The following TLE3 variants were observed in gnomAD, a reference collection of about 807,000 sequenced individuals.
TLE3 encodes the protein transducin-like enhancer protein 3.
A neutral mutation model predicts 93.0 loss-of-function variants in TLE3; 14 were observed. The ratio of observed to expected loss-of-function variants is 0.15; its 90% CI spans 0.10 to 0.24. The LOEUF is 0.24. TLE3 is among the 10% of genes least tolerant of loss of function. The pLI is 1.00. For synonymous variants in TLE3, 451 were observed against 425.0 expected (o/e 1.06, Z -0.75); for missense variants, 693 against 1,046.6 (o/e 0.66, Z 4.66).
chr15:70,086,601 A>G (rs1169870602), intron 4 of TLE3, among the ~76,000 whole-genome samples: 5 of 152,224 alleles, frequency 3.3e-5, no homozygotes, highest in Non-Finnish European at 7.3e-5. Flanking sequence ...GGAAAGGGTC[A>G]GCCTTCCAGC....
At position 70,057,525 on chromosome 15, in the gene TLE3, C is replaced by T; in HGVS notation, c.1185G>A (p.Gln395=). ...CTGCAGCAGCGGCGGCGGCGCTCAT[C>T]TGGGGTGGGATGTTGTGGAGGCCGG... ...AYAGLHNIPP[Q]MSAAAAAAAA... Residue 395 remains glutamine, a synonymous_variant, in exon 13 of 20, where the codon CAG becomes CAA. Transcript: ENST00000451782. 1.9e-6 allele frequency: 3 copies of T among 1,607,590 alleles called. No individual in the cohort carries two copies. The highest frequency in any genetic ancestry group is 1.7e-6 in the Non-Finnish European group (2 of 1,177,304).
At chr15:70,077,456 G>C (rs996920841) in intron 4 of TLE3, among the ~76,000 whole-genome samples, 7 of 152,228 alleles carry the variant, frequency 4.6e-5, no homozygotes, top group African/African-American at 1.7e-4. Context: ...TTCTGGATGA[G>C]AAATCCTTGT....
chr15:70,095,291 T>C (rs2058498412), intron 3 of TLE3: 4 of 1,329,532 alleles, frequency 3.0e-6, no homozygotes, highest in Non-Finnish European at 3.9e-6. Context: ...AATCAGCCCC[T>C]GGGAAACTTT....
In TLE3 at chr15:70,060,451, G is replaced by C. The variant is rs557470712; in HGVS notation, c.714+79C>G. ...TCACTGCCAACCACAAGAAGACCCT[G>C]GCCACAGCTTGGGCCCTGCAGACAC... On this transcript the variant is annotated intron_variant, in intron 9 of 19. Transcript: ENST00000451782. 47 of 1,578,382 alleles carry C rather than the reference G, an allele frequency of 3.0e-5. No homozygotes were observed. The East Asian group carries it at 7.9e-4, about 27-fold the overall frequency.
At chr15:70,054,371 A>G in intron 16 of TLE3, 67 bp downstream of exon 16, 9 of 1,559,666 alleles carry the variant, frequency 5.8e-6, no homozygotes, top group Non-Finnish European at 7.8e-6. Flanking sequence ...CACAGCAAAC[A>G]AGACCAGGCA....
chr15:70,059,806 C>T (rs1595886984), intron 9 of TLE3, among the ~76,000 whole-genome samples: 1 of 152,362 alleles, frequency 6.6e-6, no homozygotes, highest in South Asian at 2.1e-4. Flanking sequence ...GCTGGTTTTA[C>T]ATCCACCATC....
chr15:70,058,911 G>A lies in TLE3; in HGVS notation c.766-96C>T. 2 of 1,417,802 alleles carry A rather than the reference G, an allele frequency of 1.4e-6. No individual in the cohort carries two copies. The highest frequency in any genetic ancestry group is 2.6e-5 in the East Asian group (1 of 38,792). 87.8% of individuals were successfully genotyped at this position (1,417,802 alleles called of 1,614,324 possible). A position where few individuals can be genotyped will look rare whatever the true frequency, so the allele number is the denominator to read the frequency against. Reference sequence around the variant, plus strand: ...TGGGAAGAGAGAGGGCATGGGCGATGGGAAGACGAGCTTGGCTGAAAGACT... The same window carrying A: ...TGGGAAGAGAGAGGGCATGGGCGATAGGAAGACGAGCTTGGCTGAAAGACT... On this transcript the variant is annotated intron_variant, in intron 10 of 19. Coordinates refer to ENST00000451782, the MANE Select transcript of TLE3 (RefSeq NM_001105192.3). This position sits in a 1 kb window ranked among gnomAD's most constrained non-coding sequence, Gnocchi z 4.1.
Position 70,051,494 on chromosome 15 carries a change from C to T in TLE3, c.2126-27G>A, listed in dbSNP as rs745443096. ...TGCAGGTGGGAGGCAAAGGCATGAT[C>T]AGGTTGTAGCTCACTGCCCTCTAAA... On this transcript the variant is annotated intron_variant, in intron 18 of 19. Coordinates refer to ENST00000451782, the MANE Select transcript of TLE3 (RefSeq NM_001105192.3). 5 of 1,587,142 alleles carry T rather than the reference C, an allele frequency of 3.2e-6. No individual in the cohort carries two copies. In the East Asian group the frequency reaches 9.1e-5, roughly 29 times the overall value.
At chr15:70,070,084 T>C (rs964858167) in intron 6 of TLE3, among the ~76,000 whole-genome samples, 1 of 152,214 alleles carries the variant, frequency 6.6e-6, no homozygotes, top group Non-Finnish European at 1.5e-5. Context: ...CCATCCACAA[T>C]ATGAAAGGAA....
chr15:70,055,569 T>C, intron 14 of TLE3: 1 of 371,256 alleles, frequency 2.7e-6, no homozygotes, highest in Non-Finnish European at 4.8e-6. Context: ...GAATGCCCTT[T>C]CCCACGATCC....
chr15:70,083,552 C>T (rs1306181982), intron 4 of TLE3, among the ~76,000 whole-genome samples: 1 of 142,770 alleles, frequency 7.0e-6, no homozygotes, highest in Non-Finnish European at 1.5e-5. Flanking sequence ...CCTCCCTCCC[C>T]TCAGATAACC....
At position 70,058,489 on chromosome 15, in the gene TLE3, C is replaced by T. The variant is rs1032792147; in HGVS notation, c.918+174G>A. On this transcript the variant is annotated intron_variant, in intron 11 of 19. Transcript: ENST00000451782. The surrounding 1 kb of genome is among the most constrained non-coding windows in gnomAD (Gnocchi z 4.1). The stretch of plus-strand genomic sequence containing the variant: ...ACTCCCATTTTACAGACGTAGCAAC[C>T]GAGGCTCAGAAACGTTAACTCATTA... 1.7e-4 allele frequency: 221 copies of T among 1,286,496 alleles called. No individual in the cohort carries two copies. In the African/African-American group the frequency reaches 3.0e-3, roughly 17 times the overall value. 79.7% of individuals were successfully genotyped at this position (1,286,496 alleles called of 1,614,324 possible).
intron 18 of TLE3, among the ~76,000 whole-genome samples, chr15:70,052,144 C>G (rs2055607161): frequency 6.6e-6 from 1 of 152,210 alleles, no homozygotes; most frequent in Admixed American, 6.5e-5. Context: ...TGGCTCTGGC[C>G]TAGTGTCCTG....
chr15:70,096,441 G>A (rs973675979), intron 1 of TLE3, 180 bp from the exon 2 acceptor site: 14 of 1,224,962 alleles, frequency 1.1e-5, no homozygotes, highest in African/African-American at 3.1e-5. Context: ...TCTCCCCGTC[G>A]GCAGCGGGGC....
In TLE3 at chr15:70,096,890, G is replaced by A; in HGVS notation, c.-92C>T. 1 of 1,441,978 alleles carries A rather than the reference G, an allele frequency of 6.9e-7. No homozygotes were observed. The highest frequency in any genetic ancestry group is 9.5e-7 in the Non-Finnish European group (1 of 1,057,674). The allele number at this position is 1,441,978 out of a possible 1,614,324, so 89.3% of individuals were successfully genotyped here. On this transcript the variant is annotated 5_prime_UTR_variant, in exon 1 of 20. Coordinates refer to ENST00000451782, the MANE Select transcript of TLE3 (RefSeq NM_001105192.3). ...GAGGGGGGAGCCGAGCCCGAGCGGG[G>A]GGCGGCCGGGAAACCGAGAGCTCGC...
chr15:70,073,077 A>G (rs189248296), intron 6 of TLE3, among the ~76,000 whole-genome samples: 5 of 152,202 alleles, frequency 3.3e-5, no homozygotes, highest in Non-Finnish European at 7.3e-5. Flanking sequence ...GGCTCAGCCC[A>G]GAAGGACAAA....
In TLE3 at chr15:70,058,820, A is replaced by G; in HGVS notation, c.766-5T>C. The G allele has an allele frequency of 6.4e-7, 1 of 1,567,214 alleles. No homozygotes were observed. Among genetic ancestry groups the G allele is most frequent in the Non-Finnish European group, 8.6e-7 (1 of 1,159,756 alleles). Reference sequence around the variant, plus strand: ...GACCCGGGGCGTTGCGGGGTCCTGAAAACACAAGTGATGCAGAGATGCACT... The same window carrying G: ...GACCCGGGGCGTTGCGGGGTCCTGAGAACACAAGTGATGCAGAGATGCACT... On this transcript the variant is annotated splice_region_variant and splice_polypyrimidine_tract_variant and intron_variant, in intron 10 of 19. Coordinates refer to ENST00000451782, the MANE Select transcript of TLE3 (RefSeq NM_001105192.3). The surrounding 1 kb of genome is among the most constrained non-coding windows in gnomAD (Gnocchi z 4.1).
Position 70,096,772 on chromosome 15 carries a change from C to A in TLE3, c.24+3G>T. On this transcript the variant is annotated splice_donor_region_variant and intron_variant, in intron 1 of 19. Coordinates refer to ENST00000451782, the MANE Select transcript of TLE3 (RefSeq NM_001105192.3). ...TTAAATAAACCGAGTTGCAATTACT[C>A]ACCGGATGTCTGCCCTGCGGATACA... 1 of 1,613,456 alleles carries A rather than the reference C, an allele frequency of 6.2e-7. No individual in the cohort carries two copies. The highest frequency in any genetic ancestry group is 8.5e-7 in the Non-Finnish European group (1 of 1,179,728).
chr15:70,094,465 C>T, intron 4 of TLE3, 67 bp downstream of exon 4: 1 of 1,222,344 alleles, frequency 8.2e-7, no homozygotes, highest in South Asian at 1.4e-5. Flanking sequence ...CAAGAGAGAA[C>T]ATAAGAAGTC....
Sources: gnomAD v4.1 joint callset for allele counts (sites outside exome capture counted in the v4.1 genomes callset) on GRCh38, gnomAD v4.1.1 for gene constraint, Gnocchi (gnomAD v3.1) non-coding constraint, MANE v1.5 for transcripts, NCBI Gene and HGNC (gene_info 2026-07-23, HGNC 2026-07-21) for gene names.